Variants in RASSF10 observed in about 807,000 individuals in gnomAD.
RASSF10 encodes the protein Ras association domain family member 10.
In RASSF10, 22 loss-of-function variants were observed where a neutral mutation model predicts 41.5. The ratio of observed to expected loss-of-function variants is 0.53; its 90% CI spans 0.38 to 0.76. The LOEUF is 0.76. Ranked by LOEUF, RASSF10 falls within the 30% of genes least tolerant of loss-of-function variation. The probability of loss-of-function intolerance (pLI) is 0.00; values close to 1 mark genes in which losing one functional copy is unlikely to be tolerated. For missense variants in RASSF10, 776 were observed against 711.8 expected (o/e 1.09, Z -1.03); for synonymous variants, 364 against 319.0 (o/e 1.14, Z -1.50).
chr11:13,009,611 T>C lies in RASSF10; in HGVS notation c.35T>C (p.Ile12Thr). 1 of 1,611,188 alleles carries C rather than the reference T, an allele frequency of 6.2e-7. No individual in the cohort carries two copies. Among genetic ancestry groups the C allele is most frequent in the Non-Finnish European group, 8.5e-7 (1 of 1,178,956 alleles). The change falls in exon 1 of 1, where the codon ATC (isoleucine) becomes ACC (threonine). Residue 12 changes from isoleucine to threonine, a missense_variant. Ile to Thr is a moderately conservative substitution (Grantham distance 89, BLOSUM62 -1). Transcript: ENST00000529419. ...DPSEKKISVWICQEEKLVSGL... is the reference protein window; with the variant it reads ...DPSEKKISVWTCQEEKLVSGL... ...TCGGAAAAGAAGATATCGGTGTGGA[T>C]CTGCCAGGAAGAGAAGCTGGTGTCC...
chr11:13,010,546 C>T lies in RASSF10; in HGVS notation c.970C>T (p.Arg324Trp). ...AQAAALEELA[R>W]RCDDLLRLQE... ...GGCGGCGGCGCTGGAGGAGCTGGCC[C>T]GGCGCTGCGACGACTTGCTGCGGCT... Residue 324 changes from arginine to tryptophan, a missense_variant, in exon 1 of 1, where the codon CGG becomes TGG. Arg to Trp is a moderately radical substitution (Grantham distance 101). Transcript: ENST00000529419. The surrounding 1 kb of genome is among the most constrained non-coding windows in gnomAD (Gnocchi z 4.8). 3 of 1,534,618 alleles carry T rather than the reference C, an allele frequency of 2.0e-6. No homozygotes were observed. Among genetic ancestry groups the T allele is most frequent in the Admixed American group, 2.0e-5 (1 of 49,770 alleles).
chr11:13,011,664 T>C lies in RASSF10; in HGVS notation c.*564T>C, dbSNP rs1380017816. On this transcript the variant is annotated 3_prime_UTR_variant, in exon 1 of 1. Coordinates refer to ENST00000529419, the MANE Select transcript of RASSF10 (RefSeq NM_001080521.3). The stretch of plus-strand genomic sequence containing the variant: ...CTGGCTGTTTACATTTCTGCAGATT[T>C]GGGAATTACCCATCTGCTAAATCAT... 1 of 152,570 alleles carries C rather than the reference T, an allele frequency of 6.6e-6. No homozygotes were observed. Among genetic ancestry groups the C allele is most frequent in the Non-Finnish European group, 1.5e-5 (1 of 68,320 alleles). The allele number at this position is 152,570 out of a possible 1,614,324, so 9.5% of individuals were successfully genotyped here. A position where few individuals can be genotyped will look rare whatever the true frequency, so the allele number is the denominator to read the frequency against.
Position 13,010,245 on chromosome 11 carries a change from G to A in RASSF10, c.669G>A (p.Glu223=). The A allele has an allele frequency of 1.3e-6, 2 of 1,581,278 alleles. No homozygotes were observed. The highest frequency in any genetic ancestry group is 1.7e-6 in the Non-Finnish European group (2 of 1,164,610). The stretch of plus-strand genomic sequence containing the variant: ...GGACCCACGAGAGCGCGTCGGTGGA[G>A]CGCATGGAGACGCTGGTGCATCTGG... The part of the protein sequence containing the change: ...SPRTHESASV[E]RMETLVHLVL... Residue 223 remains glutamate, a synonymous_variant, in exon 1 of 1, where the codon GAG becomes GAA. Coordinates refer to ENST00000529419, the MANE Select transcript of RASSF10 (RefSeq NM_001080521.3). The surrounding 1 kb of genome is among the most constrained non-coding windows in gnomAD (Gnocchi z 4.8).
Position 13,010,227 on chromosome 11 carries a change from C to A in RASSF10, c.651C>A (p.His217Gln), listed in dbSNP as rs1487448141. The change falls in exon 1 of 1, where the codon CAC becomes CAA. Residue 217 changes from histidine to glutamine, a missense_variant. Physicochemically the swap from His to Gln is conservative, Grantham distance 24 (BLOSUM62 0). Coordinates refer to ENST00000529419, the MANE Select transcript of RASSF10 (RefSeq NM_001080521.3). The surrounding 1 kb of genome is among the most constrained non-coding windows in gnomAD (Gnocchi z 4.8). ...ASSCSSSPRT[H>Q]ESASVERMET... ...CCTGCTCTTCGTCGCCGCGGACCCA[C>A]GAGAGCGCGTCGGTGGAGCGCATGG... 2 of 1,589,574 alleles carry A rather than the reference C, an allele frequency of 1.3e-6. No individual in the cohort carries two copies. Among genetic ancestry groups the A allele is most frequent in the Admixed American group, 1.7e-5 (1 of 57,606 alleles).
rs781555768 is a variant in RASSF10 at position 13,010,714 on chromosome 11, G to A, written c.1138G>A (p.Asp380Asn). ...GCCCCTGGAGCCCGACGGTGGCCCCGACGGCGAGCTGCTGCTGGAGCAGGA... is the reference window on the plus strand; with the variant it reads ...GCCCCTGGAGCCCGACGGTGGCCCCAACGGCGAGCTGCTGCTGGAGCAGGA... ...EEPLEPDGGP[D>N]GELLLEQERV... The change falls in exon 1 of 1, where the codon GAC becomes AAC. Residue 380 changes from aspartate (D) to asparagine (N), a missense_variant. Transcript: ENST00000529419. The surrounding 1 kb of genome is among the most constrained non-coding windows in gnomAD (Gnocchi z 4.8). The A allele has an allele frequency of 1.0e-5, 16 of 1,594,886 alleles. No individual in the cohort carries two copies. The South Asian group carries it at 1.1e-4, about 11-fold the overall frequency.
Position 13,010,210 on chromosome 11 carries a change from T to G in RASSF10, c.634T>G (p.Ser212Ala). 6.3e-7 allele frequency: 1 copy of G among 1,594,828 alleles called. No homozygotes were observed. Among genetic ancestry groups the G allele is most frequent in the Non-Finnish European group, 8.5e-7 (1 of 1,172,300 alleles). The change falls in exon 1 of 1, where the codon TCG becomes GCG. Residue 212 changes from serine (S) to alanine (A), a missense_variant. By Grantham distance (99) the Ser-to-Ala change is moderately conservative. Transcript: ENST00000529419. The surrounding 1 kb of genome is among the most constrained non-coding windows in gnomAD (Gnocchi z 4.8). Reference sequence around the variant, plus strand: ...GTCGTCCACTGCCTCGTCCTGCTCTTCGTCGCCGCGGACCCACGAGAGCGC... The same window carrying G: ...GTCGTCCACTGCCTCGTCCTGCTCTGCGTCGCCGCGGACCCACGAGAGCGC... ...TSSSTASSCS[S>A]SPRTHESASV...
chr11:13,010,945 G>A lies in RASSF10; in HGVS notation c.1369G>A (p.Glu457Lys). 1 of 1,613,724 alleles carries A rather than the reference G, an allele frequency of 6.2e-7. No individual in the cohort carries two copies. Reference sequence around the variant, plus strand: ...TCCTGGCTCTGGCAGTCCCTCGCGGGAACCTGGGCCTCAAGCCTGCGCCGA... The same window carrying A: ...TCCTGGCTCTGGCAGTCCCTCGCGGAAACCTGGGCCTCAAGCCTGCGCCGA... ...GAPGSGSPSR[E>K]PGPQACADMW... The change falls in exon 1 of 1, where the codon GAA becomes AAA. Residue 457 changes from glutamate to lysine, a missense_variant. By Grantham distance (56) the Glu-to-Lys change is moderately conservative. Transcript: ENST00000529419. The surrounding 1 kb of genome is among the most constrained non-coding windows in gnomAD (Gnocchi z 4.8).
rs767937667 is a variant in RASSF10 at position 13,010,314 on chromosome 11, C to T, written c.738C>T (p.Leu246=). The T allele has an allele frequency of 6.4e-7, 1 of 1,551,954 alleles. No individual in the cohort carries two copies. Among genetic ancestry groups the T allele is most frequent in the African/African-American group, 1.4e-5 (1 of 73,190 alleles). Residue 246 remains leucine, a synonymous_variant, in exon 1 of 1, where the codon CTC becomes CTT. Transcript: ENST00000529419. This position sits in a 1 kb window ranked among gnomAD's most constrained non-coding sequence, Gnocchi z 4.8. ...DHTIRQQVQR[L]HELDREIDHY... ...CAATTCGCCAGCAGGTGCAGCGGCT[C>T]CACGAGCTGGACCGCGAGATCGATC...
In RASSF10 at chr11:13,009,338, G is replaced by C; in HGVS notation, c.-239G>C. On this transcript the variant is annotated 5_prime_UTR_variant, in exon 1 of 1. Transcript: ENST00000529419. The stretch of plus-strand genomic sequence containing the variant: ...GGCAGAGCCAGAGCGGCGGGAGCCG[G>C]TCCTGGGCGCGTTGCCCCGGGAGCG... 1.1e-6 allele frequency: 1 copy of C among 938,562 alleles called. No individual in the cohort carries two copies. The highest frequency in any genetic ancestry group is 1.7e-6 in the Non-Finnish European group (1 of 601,092). The allele number at this position is 938,562 out of a possible 1,614,324, so 58.1% of individuals were successfully genotyped here.
chr11:13,011,213 C>G lies in RASSF10; in HGVS notation c.*113C>G, dbSNP rs921464824. Reference sequence around the variant, plus strand: ...ACCAGGCTGTTGCGAGCCCAGAGCTCCGGCTGGGCAGCAGCGCTCTGCGCA... The same window carrying G: ...ACCAGGCTGTTGCGAGCCCAGAGCTGCGGCTGGGCAGCAGCGCTCTGCGCA... On this transcript the variant is annotated 3_prime_UTR_variant, in exon 1 of 1. Coordinates refer to ENST00000529419, the MANE Select transcript of RASSF10 (RefSeq NM_001080521.3). 3 of 865,824 alleles carry G rather than the reference C, an allele frequency of 3.5e-6. No individual in the cohort carries two copies. Among genetic ancestry groups the G allele is most frequent in the South Asian group, 1.8e-5 (1 of 55,942 alleles). The allele number at this position is 865,824 out of a possible 1,614,324, so 53.6% of individuals were successfully genotyped here.
Position 13,010,150 on chromosome 11 carries a change from C to T in RASSF10, c.574C>T (p.Gln192Ter), listed in dbSNP as rs756285459. 3.2e-6 allele frequency: 5 copies of T among 1,573,946 alleles called. No individual in the cohort carries two copies. The part of the protein sequence containing the change: ...RKLAKLNRRR[Q>*]QQTPSSCSST... ...ACTGGCCAAGCTCAACCGGCGGCGC[C>T]AGCAGCAGACACCGTCGTCCTGTTC... Residue 192 changes from glutamine (Q) to a stop codon, truncating the protein, a stop_gained, in exon 1 of 1, where the codon CAG becomes TAG. Coordinates refer to ENST00000529419, the MANE Select transcript of RASSF10 (RefSeq NM_001080521.3). LOFTEE classifies it high-confidence loss of function. The surrounding 1 kb of genome is among the most constrained non-coding windows in gnomAD (Gnocchi z 4.8).
At position 13,011,309 on chromosome 11, in the gene RASSF10, C is replaced by A; in HGVS notation, c.*209C>A. On this transcript the variant is annotated 3_prime_UTR_variant, in exon 1 of 1. Coordinates refer to ENST00000529419, the MANE Select transcript of RASSF10 (RefSeq NM_001080521.3). ...GGTAGAAGAAGTAGGATCCTCAATA[C>A]AAGCTCATTAAAGAGAGGGAAGGAG... 1.9e-6 allele frequency: 1 copy of A among 540,138 alleles called. No homozygotes were observed. The highest frequency in any genetic ancestry group is 2.9e-5 in the East Asian group (1 of 34,592). The allele number at this position is 540,138 out of a possible 1,614,324, so 33.5% of individuals were successfully genotyped here.
In RASSF10 at chr11:13,010,711, C is replaced by G. The variant is rs558321008; in HGVS notation, c.1135C>G (p.Pro379Ala). Residue 379 changes from proline (P) to alanine (A), a missense_variant, in exon 1 of 1, where the codon CCC (proline) becomes GCC (alanine). Physicochemically the swap from Pro to Ala is conservative, Grantham distance 27. Coordinates refer to ENST00000529419, the MANE Select transcript of RASSF10 (RefSeq NM_001080521.3). This position sits in a 1 kb window ranked among gnomAD's most constrained non-coding sequence, Gnocchi z 4.8. ...GGAGCCCCTGGAGCCCGACGGTGGCCCCGACGGCGAGCTGCTGCTGGAGCA... is the reference window on the plus strand; with the variant it reads ...GGAGCCCCTGGAGCCCGACGGTGGCGCCGACGGCGAGCTGCTGCTGGAGCA... ...REEPLEPDGG[P>A]DGELLLEQER... 1.3e-6 allele frequency: 2 copies of G among 1,594,110 alleles called. No individual in the cohort carries two copies. Among genetic ancestry groups the G allele is most frequent in the South Asian group, 2.3e-5 (2 of 88,072 alleles).
rs752359490 is a variant in RASSF10, at chr11:13,010,875, G to A, written c.1299G>A (p.Leu433=). The change falls in exon 1 of 1, where the codon CTG becomes CTA. Residue 433 remains leucine, a synonymous_variant. Coordinates refer to ENST00000529419, the MANE Select transcript of RASSF10 (RefSeq NM_001080521.3). The surrounding 1 kb of genome is among the most constrained non-coding windows in gnomAD (Gnocchi z 4.8). The part of the protein sequence containing the change: ...DSKKRELQGL[L]QTLHTLELTV... ...AGAAGCGCGAGCTACAGGGCCTTCT[G>A]CAAACTTTGCACACTTTGGAGCTGA... 6.2e-7 allele frequency: 1 copy of A among 1,613,842 alleles called. No homozygotes were observed. Among genetic ancestry groups the A allele is most frequent in the African/African-American group, 1.3e-5 (1 of 74,918 alleles).
In RASSF10 at chr11:13,009,945, T is replaced by A. The variant is rs1033808924; in HGVS notation, c.369T>A (p.Asn123Lys). 13 of 1,585,806 alleles carry A rather than the reference T, an allele frequency of 8.2e-6. No individual in the cohort carries two copies. The highest frequency in any genetic ancestry group is 1.1e-5 in the Non-Finnish European group (13 of 1,165,538). The change falls in exon 1 of 1, where the codon AAT (asparagine) becomes AAA (lysine). Residue 123 changes from asparagine to lysine, a missense_variant. Coordinates refer to ENST00000529419, the MANE Select transcript of RASSF10 (RefSeq NM_001080521.3). ...CTGCCTGGGGCGAAGAGCAAGAGAA[T>A]GTGCGCTTCGTGCTAGTGCGCAGCG... is the stretch of plus-strand genomic sequence containing the variant. ...LWAAWGEEQE[N>K]VRFVLVRSEA...
In RASSF10 at chr11:13,010,070, G is replaced by A. The variant is rs750144309; in HGVS notation, c.494G>A (p.Ser165Asn). 1.5e-5 allele frequency: 23 copies of A among 1,548,968 alleles called. No individual in the cohort carries two copies. Among genetic ancestry groups the A allele is most frequent in the Admixed American group, 2.0e-5 (1 of 50,938 alleles). ...GCCCGCGGGGCCCCGGCGCGGCCCA[G>A]CCTGGCCATGACCCAGGAGAAACAG... ...CPARGAPARP[S>N]LAMTQEKQRR... is the part of the protein sequence containing the mutation. The change falls in exon 1 of 1, where the codon AGC becomes AAC. Residue 165 changes from serine to asparagine, a missense_variant. By Grantham distance (46) the Ser-to-Asn change is conservative (BLOSUM62 1). Transcript: ENST00000529419. This position sits in a 1 kb window ranked among gnomAD's most constrained non-coding sequence, Gnocchi z 4.8.
In RASSF10 at chr11:13,011,175, T is replaced by A; in HGVS notation, c.*75T>A. On this transcript the variant is annotated 3_prime_UTR_variant, in exon 1 of 1. Coordinates refer to ENST00000529419, the MANE Select transcript of RASSF10 (RefSeq NM_001080521.3). ...TGCAGAATGCAGTGGGCCAGCCGGCTCGCGGACTTGAAACCAGGCTGTTGC... is the reference window on the plus strand; with the variant it reads ...TGCAGAATGCAGTGGGCCAGCCGGCACGCGGACTTGAAACCAGGCTGTTGC... The A allele has an allele frequency of 8.2e-7, 1 of 1,222,336 alleles. No individual in the cohort carries two copies. Among genetic ancestry groups the A allele is most frequent in the Non-Finnish European group, 1.1e-6 (1 of 893,738 alleles). 75.7% of individuals were successfully genotyped at this position (1,222,336 alleles called of 1,614,324 possible). A position where few individuals can be genotyped will look rare whatever the true frequency, so the allele number is the denominator to read the frequency against.
In RASSF10 at chr11:13,012,094, C is replaced by G. The variant is rs775361399; in HGVS notation, c.*994C>G. Reference sequence around the variant, plus strand: ...ATTGAGCTATGTGATTAAAACCAACCATGACCTTAACGGATTTTACCCAAA... The same window carrying G: ...ATTGAGCTATGTGATTAAAACCAACGATGACCTTAACGGATTTTACCCAAA... On this transcript the variant is annotated 3_prime_UTR_variant, in exon 1 of 1. Transcript: ENST00000529419. 6.6e-6 allele frequency: 1 copy of G among 152,160 alleles called. No individual in the cohort carries two copies. Among genetic ancestry groups the G allele is most frequent in the East Asian group, 1.9e-4 (1 of 5,202 alleles). 9.4% of individuals were successfully genotyped at this position (152,160 alleles called of 1,614,324 possible). A position where few individuals can be genotyped will look rare whatever the true frequency, so the allele number is the denominator to read the frequency against.
chr11:13,009,704 G>T lies in RASSF10; in HGVS notation c.128G>T (p.Arg43Leu), dbSNP rs936282728. The T allele has an allele frequency of 1.9e-6, 3 of 1,593,546 alleles. No homozygotes were observed. Among genetic ancestry groups the T allele is most frequent in the Non-Finnish European group, 2.6e-6 (3 of 1,170,236 alleles). Residue 43 changes from arginine (R) to leucine (L), a missense_variant, in exon 1 of 1, where the codon CGA becomes CTA. Arg to Leu is a moderately radical substitution (Grantham distance 102, BLOSUM62 -2). Coordinates refer to ENST00000529419, the MANE Select transcript of RASSF10 (RefSeq NM_001080521.3). ...RVLLEDGCRR[R>L]RRQRRSRRLG... is the part of the protein sequence containing the mutation. ...CTTTTGGAGGACGGCTGCCGGCGGCGACGGAGACAGCGGCGGAGCCGGCGG... is the reference window on the plus strand; with the variant it reads ...CTTTTGGAGGACGGCTGCCGGCGGCTACGGAGACAGCGGCGGAGCCGGCGG...
Sources: gnomAD v4.1 joint callset for allele counts on GRCh38, gnomAD v4.1.1 for gene constraint, Gnocchi (gnomAD v3.1) non-coding constraint, MANE v1.5 for transcripts, NCBI Gene and HGNC (gene_info 2026-07-23, HGNC 2026-07-21) for gene names.